Variants in SLC25A18 observed in about 807,000 individuals in gnomAD.
SLC25A18 encodes solute carrier family 25 member 18.
Under a neutral mutation model 31.1 loss-of-function variants are expected in SLC25A18, and 24 were observed. The ratio of observed to expected loss-of-function variants is 0.77; its 90% CI spans 0.56 to 1.08. The LOEUF is 1.08. SLC25A18 is among the 50% of genes least tolerant of loss of function. The pLI is 0.00. For synonymous variants in SLC25A18, 173 were observed against 161.9 expected, an observed-to-expected ratio of 1.07 and a Z score of -0.52; for missense variants, 371 against 418.5, an observed-to-expected ratio of 0.89 and a Z score of 0.99.
At chr22:17,575,226 G>A (rs1296709843) in intron 2 of SLC25A18, among the ~76,000 whole-genome samples, 4 of 152,136 alleles carry the variant, frequency 2.6e-5, no homozygotes, top group East Asian at 1.9e-4. Flanking sequence ...CTTTCAGCAC[G>A]CACTGTCTAA....
intron 10 of SLC25A18, 55 bp from the exon 11 acceptor site, chr22:17,590,040 G>A (rs2057674784): frequency 1.9e-6 from 3 of 1,607,892 alleles, no homozygotes; most frequent in South Asian, 1.1e-5. Context: ...TGCCACTGAG[G>A]GCTGCTTGCA....
chr22:17,582,407 A>C, intron 5 of SLC25A18, 156 bp from the exon 6 acceptor site: 1 of 533,590 alleles, frequency 1.9e-6, no homozygotes. Context: ...GGGAGTGGGA[A>C]TGGAAAGTTA....
intron 9 of SLC25A18, chr22:17,589,185 C>CT (rs1484257954): frequency 1.4e-5 from 2 of 147,346 alleles, no homozygotes; most frequent in Non-Finnish European, 2.9e-5. Context: ...TTTTTTTTTT[C>CT]TTTTTTTGTT....
At chr22:17,576,482 G>A (rs2057232972) in intron 2 of SLC25A18, among the ~76,000 whole-genome samples, 1 of 152,186 alleles carries the variant, frequency 6.6e-6, no homozygotes, top group South Asian at 2.1e-4. Flanking sequence ...ACTGCAAATG[G>A]CATACAGTAA....
intron 8 of SLC25A18, 115 bp from the exon 9 acceptor site, chr22:17,587,810 C>T: frequency 2.3e-6 from 3 of 1,289,528 alleles, no homozygotes; most frequent in East Asian, 2.3e-5. Flanking sequence ...AGGGATGAGT[C>T]CCCGTGGCTC....
intron 9 of SLC25A18, chr22:17,589,271 C>T (rs1246473690): frequency 8.1e-6 from 2 of 247,030 alleles, no homozygotes; most frequent in Admixed American, 1.0e-4. Context: ...AGCTCCACCT[C>T]CCTGGTTCAA....
chr22:17,589,909 ACTGCATAAGTAACCAAC>A (rs775293672), intron 10 of SLC25A18, among the ~76,000 whole-genome samples, 169 bp from the exon 11 acceptor site: 4 of 152,136 alleles, frequency 2.6e-5, no homozygotes, highest in African/African-American at 7.2e-5. Flanking sequence ...CCTTGACCCA[ACTGCATAAGTAACCAAC>A]CTGCATGCAC....
intron 10 of SLC25A18, 42 bp downstream of exon 10, chr22:17,589,707 C>T (rs368263629): frequency 1.9e-4 from 301 of 1,587,106 alleles, no homozygotes; most frequent in Non-Finnish European, 2.5e-4. Flanking sequence ...GGGACAGGTT[C>T]CTCTGCGTGG....
intron 9 of SLC25A18, 177 bp downstream of exon 9, chr22:17,588,256 C>T (rs568714514): frequency 6.3e-6 from 4 of 635,932 alleles, no homozygotes; most frequent in Non-Finnish European, 8.0e-6. Context: ...TTTCTCATCC[C>T]TGACACATCC....
chr22:17,577,561 A>C (rs1213978887), intron 2 of SLC25A18, among the ~76,000 whole-genome samples: 1 of 150,250 alleles, frequency 6.7e-6, no homozygotes, highest in Non-Finnish European at 1.5e-5. Context: ...TTCAGACAGA[A>C]ACAGTTGTGT....
chr22:17,563,593 T>A lies in SLC25A18; in HGVS notation c.-384T>A. The A allele has an allele frequency of 1.2e-6, 1 of 862,150 alleles. No individual in the cohort carries two copies. Among genetic ancestry groups the A allele is most frequent in the Non-Finnish European group, 1.4e-6 (1 of 717,392 alleles). The allele number at this position is 862,150 out of a possible 1,614,324, so 53.4% of individuals were successfully genotyped here. On this transcript the variant is annotated 5_prime_UTR_variant, in exon 1 of 11. Transcript: ENST00000327451. Reference sequence around the variant, plus strand: ...AGCAATGAAGCCAGTTCCTTGGATATATCCACGGGCTTTGCTTTGAGAAGG... The same window carrying A: ...AGCAATGAAGCCAGTTCCTTGGATAAATCCACGGGCTTTGCTTTGAGAAGG...
intron 2 of SLC25A18, among the ~76,000 whole-genome samples, chr22:17,576,873 A>T (rs2057240883): frequency 6.6e-6 from 1 of 152,212 alleles, no homozygotes; most frequent in African/African-American, 2.4e-5. Flanking sequence ...TTTCTCTGGC[A>T]TCTGTTAAAT....
chr22:17,569,012 CT>C (rs954487377), intron 1 of SLC25A18, among the ~76,000 whole-genome samples: 2,190 of 142,802 alleles, frequency 0.015, 19 homozygotes, highest in Middle Eastern at 0.056. Flanking sequence ...CTCTTCTTTA[CT>C]TTTTTTTTTT....
chr22:17,567,951 C>T (rs921937733), intron 1 of SLC25A18, among the ~76,000 whole-genome samples: 4 of 151,908 alleles, frequency 2.6e-5, no homozygotes, highest in Non-Finnish European at 4.4e-5. Flanking sequence ...GAGACAGGGT[C>T]GTTTATAACC....
Position 17,590,360 on chromosome 22 carries a change from C to T in SLC25A18, c.*124C>T, listed in dbSNP as rs2057684002. Reference sequence around the variant, plus strand: ...CTGGTCCTCTGCGTTGTAGTGCTACCTCAATCTCGGGAGAAACAGCCCTAT... The same window carrying T: ...CTGGTCCTCTGCGTTGTAGTGCTACTTCAATCTCGGGAGAAACAGCCCTAT... On this transcript the variant is annotated 3_prime_UTR_variant, in exon 11 of 11. Transcript: ENST00000327451. The T allele has an allele frequency of 8.4e-7, 1 of 1,187,106 alleles. No individual in the cohort carries two copies. The highest frequency in any genetic ancestry group is 1.2e-6 in the Non-Finnish European group (1 of 843,704). The allele number at this position is 1,187,106 out of a possible 1,614,324, so 73.5% of individuals were successfully genotyped here. A position where few individuals can be genotyped will look rare whatever the true frequency, so the allele number is the denominator to read the frequency against.
At chr22:17,590,025 G>A (rs1569197123) in intron 10 of SLC25A18, 70 bp from the exon 11 acceptor site, 2 of 1,590,118 alleles carry the variant, frequency 1.3e-6, no homozygotes, top group East Asian at 4.5e-5. Context: ...CACAAATGGA[G>A]AGGCTGCCAC....
chr22:17,587,821 C>T, intron 8 of SLC25A18, 104 bp from the exon 9 acceptor site: 1 of 1,442,298 alleles, frequency 6.9e-7, no homozygotes, highest in South Asian at 1.2e-5. Context: ...CCCGTGGCTC[C>T]TCTCACTGTA....
intron 3 of SLC25A18, chr22:17,580,426 G>C (rs1227236106): frequency 1.1e-5 from 6 of 568,532 alleles, no homozygotes; most frequent in Non-Finnish European, 1.1e-5. Context: ...CCAGCAGGGT[G>C]GGGGGCCATG....
chr22:17,574,852 T>TTA (rs1469940663), intron 2 of SLC25A18, among the ~76,000 whole-genome samples: 5 of 144,374 alleles, frequency 3.5e-5, no homozygotes, highest in African/African-American at 1.0e-4. Context: ...ATTATTATTA[T>TTA]TTATATATGT....
Sources: allele counts gnomAD v4.1 joint callset (sites outside exome capture counted in the v4.1 genomes callset), GRCh38; gene constraint gnomAD v4.1.1; transcripts MANE v1.5; gene names NCBI Gene and HGNC (gene_info 2026-07-23, HGNC 2026-07-21).